Variants in LRRC4B observed in about 807,000 individuals in gnomAD.
LRRC4B encodes leucine-rich repeat-containing protein 4B.
Under a neutral mutation model 7.3 loss-of-function variants are expected in LRRC4B, and 1 was observed. The observed-to-expected ratio is 0.14, with a 90% CI of 0.05 to 0.65. The LOEUF is 0.65. LRRC4B is among the 30% of genes least tolerant of loss of function. The probability of loss-of-function intolerance (pLI) is 0.84; values close to 1 mark genes in which losing one functional copy is unlikely to be tolerated. For missense variants in LRRC4B, 730 were observed against 1,041.6 expected, an observed-to-expected ratio of 0.70 and a Z score of 4.12; for synonymous variants, 500 against 499.2, an observed-to-expected ratio of 1.00 and a Z score of -0.02.
In LRRC4B at chr19:50,520,223, AAAAAAAAAAAAAAAAAAAAAAAAAGAAG is replaced by A. The variant is rs1568715957; in HGVS notation, c.298-836_298-809del. On this transcript the variant is annotated intron_variant, in intron 2 of 2. Coordinates refer to ENST00000652263, the MANE Select transcript of LRRC4B (RefSeq NM_001080457.2). Reference sequence around the variant, plus strand: ...CCTGTCAAAAAAAAAAAAAAAAAAAAAAAAAAAAAAAAAAAAAAAAAAAAGAAGAAAAGAAAAGAAAAATGAACAAACA... The same window carrying A: ...CCTGTCAAAAAAAAAAAAAAAAAAAAAAAAGAAAAGAAAAATGAACAAACA... 3.8e-3 allele frequency among the ~76,000 whole-genome samples: 261 copies of A among 68,748 alleles called. 37 individuals are homozygous for A. Among genetic ancestry groups the A allele is most frequent in the African/African-American group, 0.015 (240 of 15,526 alleles). The allele number at this position is 68,748 out of a possible 152,430, so 45.1% of individuals were successfully genotyped here.
intron 1 of LRRC4B, among the ~76,000 whole-genome samples, chr19:50,562,334 C>T (rs2122931879): frequency 1.3e-5 from 2 of 152,236 alleles, no homozygotes; most frequent in South Asian, 4.1e-4. Flanking sequence ...TCAGTTTCCC[C>T]ATCTGTCAAA....
rs1364657249 is a variant in LRRC4B, at chr19:50,538,200, C to A, written c.297+10342G>T. Among the ~76,000 whole-genome samples, 4 of 152,208 alleles carry A rather than the reference C, an allele frequency of 2.6e-5. No homozygotes were observed. The East Asian group carries it at 5.8e-4, about 22-fold the overall frequency. ...GCCTCAGCCTCCTGAGTAGCTAGTA[C>A]TACAGGCACGCACTACCACTCCCAG... On this transcript the variant is annotated intron_variant, in intron 2 of 2. Transcript: ENST00000652263.
chr19:50,529,659 G>T (rs1980963938), intron 2 of LRRC4B, among the ~76,000 whole-genome samples: 1 of 152,032 alleles, frequency 6.6e-6, no homozygotes, highest in Admixed American at 6.6e-5. Flanking sequence ...ACAAAAATTA[G>T]CTGGGCGTGA....
At chr19:50,542,881 A>G (rs1463653450) in intron 2 of LRRC4B, among the ~76,000 whole-genome samples, 1 of 152,144 alleles carries the variant, frequency 6.6e-6, no homozygotes, top group Non-Finnish European at 1.5e-5. Flanking sequence ...ATGAATGGCA[A>G]CGTTCTAGCT....
rs1174188100 is a variant in LRRC4B, at chr19:50,548,798, G to C, written c.41C>G (p.Pro14Arg). ...ARGSPCPPLP[P>R]GRMSWPHGAL... Reference sequence around the variant, plus strand: ...CCCGTGGGGCCAGGACATCCTACCGGGCGGCAGCGGGGGGCACGGGGAGCC... The same window carrying C: ...CCCGTGGGGCCAGGACATCCTACCGCGCGGCAGCGGGGGGCACGGGGAGCC... Residue 14 changes from proline to arginine, a missense_variant, in exon 2 of 3, where the codon CCC (proline) becomes CGC (arginine). Pro to Arg is a moderately radical substitution (Grantham distance 103). Coordinates refer to ENST00000652263, the MANE Select transcript of LRRC4B (RefSeq NM_001080457.2). This position sits in a 1 kb window ranked among gnomAD's most constrained non-coding sequence, Gnocchi z 6.8. The C allele has an allele frequency of 6.6e-7, 1 of 1,515,592 alleles. No homozygotes were observed. The highest frequency in any genetic ancestry group is 2.1e-5 in the Admixed American group (1 of 48,212). The allele number at this position is 1,515,592 out of a possible 1,614,324, so 93.9% of individuals were successfully genotyped here. A position where few individuals can be genotyped will look rare whatever the true frequency, so the allele number is the denominator to read the frequency against.
intron 2 of LRRC4B, among the ~76,000 whole-genome samples, chr19:50,535,014 G>A (rs1455615933): frequency 6.6e-6 from 1 of 151,560 alleles, no homozygotes; most frequent in Non-Finnish European, 1.5e-5. Flanking sequence ...GATTACAGGC[G>A]CCTGCCACCA....
In LRRC4B at chr19:50,519,155, G is replaced by T; in HGVS notation, c.558C>A (p.Arg186=). The change falls in exon 3 of 3, where the codon CGC becomes CGA. Residue 186 remains arginine, a synonymous_variant. Coordinates refer to ENST00000652263, the MANE Select transcript of LRRC4B (RefSeq NM_001080457.2). This position sits in a 1 kb window ranked among gnomAD's most constrained non-coding sequence, Gnocchi z 8.1. The part of the protein sequence containing the change: ...YAFNRVPSLR[R]LDLGELKRLE... ...GCCGCTTGAGCTCGCCCAGGTCCAG[G>T]CGCCGCAGCGAGGGCACGCGGTTGA... is the stretch of plus-strand genomic sequence containing the variant. 6.2e-7 allele frequency: 1 copy of T among 1,613,488 alleles called. No homozygotes were observed. The highest frequency in any genetic ancestry group is 8.5e-7 in the Non-Finnish European group (1 of 1,179,996).
intron 1 of LRRC4B, among the ~76,000 whole-genome samples, chr19:50,552,646 G>GTCCA (rs1309512823): frequency 3.7e-5 from 2 of 53,474 alleles, no homozygotes; most frequent in Non-Finnish European, 7.2e-5. Flanking sequence ...CCGCCCATCC[G>GTCCA]TCCATCCATC....
chr19:50,525,077 C>T (rs986074101), intron 2 of LRRC4B, among the ~76,000 whole-genome samples: 5 of 152,204 alleles, frequency 3.3e-5, no homozygotes, highest in Non-Finnish European at 5.9e-5. Flanking sequence ...CACCCATCGC[C>T]GTTCCCCGTG....
intron 2 of LRRC4B, among the ~76,000 whole-genome samples, chr19:50,529,901 G>A (rs1980974694): frequency 6.6e-6 from 1 of 152,058 alleles, no homozygotes; most frequent in East Asian, 1.9e-4. Flanking sequence ...CACTGAGATG[G>A]CCTGGGGCCC....
chr19:50,566,480 G>T (rs967066819), intron 1 of LRRC4B, among the ~76,000 whole-genome samples: 1 of 152,020 alleles, frequency 6.6e-6, no homozygotes, highest in African/African-American at 2.4e-5. Flanking sequence ...ACCAGAGGCT[G>T]CGGGGAGGGG....
At position 50,548,601 on chromosome 19, in the gene LRRC4B, C is replaced by A. The variant is rs1166758136; in HGVS notation, c.238G>T (p.Val80Phe). 1 of 1,602,414 alleles carries A rather than the reference C, an allele frequency of 6.2e-7. No homozygotes were observed. Among genetic ancestry groups the A allele is most frequent in the African/African-American group, 1.3e-5 (1 of 74,968 alleles). ...GTGTTGACCGGGATGCTGGCTGGGA[C>A]CTCGGCCAGGTCTCTCCGTGTGCAG... ...VICTRRDLAEVPASIPVNTRY... is the reference protein window; with the variant it reads ...VICTRRDLAEFPASIPVNTRY... Residue 80 changes from valine (V) to phenylalanine (F), a missense_variant, in exon 2 of 3, where the codon GTC becomes TTC. Physicochemically the swap from Val to Phe is conservative, Grantham distance 50. This residue lies in a region of LRRC4B where 143 missense variants were observed against 158.4 expected (regional missense o/e 0.90). Coordinates refer to ENST00000652263, the MANE Select transcript of LRRC4B (RefSeq NM_001080457.2). The surrounding 1 kb of genome is among the most constrained non-coding windows in gnomAD (Gnocchi z 6.8).
At chr19:50,567,807 C>G (rs1432706435) in intron 1 of LRRC4B, 137 bp downstream of exon 1, 8 of 119,514 alleles carry the variant, frequency 6.7e-5, no homozygotes, top group African/African-American at 2.6e-4. Flanking sequence ...GCCCCGCCCC[C>G]TGTCCTCTGC....
chr19:50,519,452 C>T lies in LRRC4B; in HGVS notation c.298-37G>A, dbSNP rs1475350237. The T allele has an allele frequency of 6.6e-7, 1 of 1,511,952 alleles. No homozygotes were observed. Among genetic ancestry groups the T allele is most frequent in the East Asian group, 2.4e-5 (1 of 41,836 alleles). The allele number at this position is 1,511,952 out of a possible 1,614,324, so 93.7% of individuals were successfully genotyped here. A position where few individuals can be genotyped will look rare whatever the true frequency, so the allele number is the denominator to read the frequency against. On this transcript the variant is annotated intron_variant, in intron 2 of 2. Coordinates refer to ENST00000652263, the MANE Select transcript of LRRC4B (RefSeq NM_001080457.2). The surrounding 1 kb of genome is among the most constrained non-coding windows in gnomAD (Gnocchi z 8.1). ...GAGACACGGATCAGTCACGGAGATA[C>T]TGACGGGGACCGTGGGGGGATCACC...
chr19:50,558,525 G>A (rs73586701), intron 1 of LRRC4B, among the ~76,000 whole-genome samples: 4,182 of 152,264 alleles, frequency 0.027, 188 homozygotes, highest in African/African-American at 0.094. Context: ...CACGGCACCC[G>A]GCTGTATTTC....
At chr19:50,558,085 CAG>C (rs1218221992) in intron 1 of LRRC4B, 5 of 152,170 alleles carry the variant, frequency 3.3e-5, no homozygotes, top group African/African-American at 1.2e-4. Context: ...GTCCAATCAA[CAG>C]AACACTATTA....
At position 50,548,249 on chromosome 19, in the gene LRRC4B, G is replaced by C. The variant is rs372749963; in HGVS notation, c.297+293C>G. 2.0e-5 allele frequency among the ~76,000 whole-genome samples: 3 copies of C among 152,190 alleles called. No individual in the cohort carries two copies. Among genetic ancestry groups the C allele is most frequent in the East Asian group, 1.9e-4 (1 of 5,186 alleles). Reference sequence around the variant, plus strand: ...CCACACCCCAGGGACTCCAGGGCTCGGCCTAGGCCGACCCGCCTGTCCTGT... The same window carrying C: ...CCACACCCCAGGGACTCCAGGGCTCCGCCTAGGCCGACCCGCCTGTCCTGT... On this transcript the variant is annotated intron_variant, in intron 2 of 2. Transcript: ENST00000652263. This position sits in a 1 kb window ranked among gnomAD's most constrained non-coding sequence, Gnocchi z 6.8.
chr19:50,518,474 G>A lies in LRRC4B; in HGVS notation c.1239C>T (p.Ile413=). 2 of 1,556,518 alleles carry A rather than the reference G, an allele frequency of 1.3e-6. No homozygotes were observed. The highest frequency in any genetic ancestry group is 1.2e-5 in the South Asian group (1 of 81,480). The change falls in exon 3 of 3, where the codon ATC becomes ATT. Residue 413 remains isoleucine, a synonymous_variant. Transcript: ENST00000652263. ...LMTHGSYRVR[I]SVLHDGTLNF... is the part of the protein sequence containing the mutation. ...TAAGCGTGCCGTCATGCAGGACGGAGATGCGCACGCGGTAGGAGCCGTGGG... is the reference window on the plus strand; with the variant it reads ...TAAGCGTGCCGTCATGCAGGACGGAAATGCGCACGCGGTAGGAGCCGTGGG...
At chr19:50,535,071 T>C (rs1448109355) in intron 2 of LRRC4B, among the ~76,000 whole-genome samples, 1 of 152,056 alleles carries the variant, frequency 6.6e-6, no homozygotes. Context: ...GGTTTCACTG[T>C]GTTAGCCAGG....
Sources: gnomAD v4.1 joint callset for allele counts (sites outside exome capture counted in the v4.1 genomes callset) on GRCh38, gnomAD v4.1.1 for gene constraint, gnomAD v4.1.1 regional missense constraint, Gnocchi (gnomAD v3.1) non-coding constraint, MANE v1.5 for transcripts, NCBI Gene and HGNC (gene_info 2026-07-23, HGNC 2026-07-21) for gene names.